Variants in PPP1R12A observed in about 807,000 individuals in gnomAD.
PPP1R12A encodes myosin binding subunit.
PPP1R12A carries 19 observed loss-of-function variants against 139.6 expected under a neutral mutation model. The ratio of observed to expected loss-of-function variants is 0.14; its 90% CI spans 0.09 to 0.20. The LOEUF is 0.20. Among genes scored for constraint, PPP1R12A ranks in the 10% least tolerant of loss-of-function variants. The pLI, the probability that PPP1R12A is intolerant of heterozygous loss-of-function variation, is 1.00. For missense variants in PPP1R12A, 925 were observed against 1,211.5 expected, an observed-to-expected ratio of 0.76 and a Z score of 3.51; for synonymous variants, 427 against 420.6, an observed-to-expected ratio of 1.02 and a Z score of -0.19.
At position 79,788,735 on chromosome 12, in the gene PPP1R12A, C is replaced by A; in HGVS notation, c.2715G>T (p.Leu905=). ...TSAGDRYDSL[L]GRSGSYSYLE... ...AGTAACTGTATGATCCAGAGCGACC[C>A]AGCAAGGAATCATATCGATCACCAG... The change falls in exon 21 of 25, where the codon CTG becomes CTT. Residue 905 remains leucine, a synonymous_variant. Transcript: ENST00000450142. 1.9e-6 allele frequency: 3 copies of A among 1,612,724 alleles called. No homozygotes were observed. The highest frequency in any genetic ancestry group is 2.5e-6 in the Non-Finnish European group (3 of 1,179,286).
intron 1 of PPP1R12A, among the ~76,000 whole-genome samples, chr12:79,875,566 T>A (rs959645541): frequency 1.3e-5 from 2 of 152,228 alleles, no homozygotes; most frequent in Admixed American, 6.5e-5. Flanking sequence ...ATGACTATTA[T>A]CTCTGTACTC....
At chr12:79,833,030 TTTTC>T (rs1877620944) in intron 3 of PPP1R12A, among the ~76,000 whole-genome samples, 1 of 152,186 alleles carries the variant, frequency 6.6e-6, no homozygotes, top group African/African-American at 2.4e-5. Flanking sequence ...ATTAAAGTTA[TTTTC>T]ATAATTTTAG....
chr12:79,884,303 G>T (rs1432331322), intron 1 of PPP1R12A, among the ~76,000 whole-genome samples: 3 of 152,100 alleles, frequency 2.0e-5, no homozygotes, highest in African/African-American at 7.2e-5. Context: ...GATTTTAAAT[G>T]TATATACTTT....
intron 22 of PPP1R12A, among the ~76,000 whole-genome samples, chr12:79,783,431 G>A (rs1384220925): frequency 6.6e-6 from 1 of 151,938 alleles, no homozygotes; most frequent in Non-Finnish European, 1.5e-5. Context: ...CTGTACCACT[G>A]CACTCCAGCT....
chr12:79,786,264 C>A (rs1209735038), intron 22 of PPP1R12A, 110 bp downstream of exon 22: 4 of 627,774 alleles, frequency 6.4e-6, no homozygotes, highest in Non-Finnish European at 1.1e-5. Flanking sequence ...TCTTCTATTA[C>A]CAATTATCAA....
chr12:79,887,524 A>C (rs989423312), intron 1 of PPP1R12A, among the ~76,000 whole-genome samples: 3 of 152,192 alleles, frequency 2.0e-5, no homozygotes, highest in African/African-American at 7.2e-5. Flanking sequence ...CAATATGTGA[A>C]TGGAAATAAG....
intron 1 of PPP1R12A, among the ~76,000 whole-genome samples, chr12:79,926,399 C>T (rs1039899371): frequency 1.3e-5 from 2 of 152,050 alleles, no homozygotes; most frequent in Non-Finnish European, 2.9e-5. Flanking sequence ...CCATGTTGGC[C>T]AGGTTGATCT....
intron 1 of PPP1R12A, among the ~76,000 whole-genome samples, chr12:79,904,758 C>G (rs1290896319): frequency 3.3e-5 from 5 of 152,158 alleles, no homozygotes; most frequent in African/African-American, 1.2e-4. Flanking sequence ...CCATATTCAA[C>G]TCTGAAAGGC....
intron 2 of PPP1R12A, among the ~76,000 whole-genome samples, chr12:79,857,597 AT>A (rs1245057372): frequency 1.3e-5 from 2 of 151,914 alleles, no homozygotes; most frequent in Non-Finnish European, 2.9e-5. Flanking sequence ...TAATAAAAAA[AT>A]AATAAAATAA....
chr12:79,832,263 T>C, intron 4 of PPP1R12A, 69 bp downstream of exon 4: 1 of 1,414,098 alleles, frequency 7.1e-7, no homozygotes, highest in Non-Finnish European at 9.4e-7. Flanking sequence ...TGCAGGTATT[T>C]TAAGAAAAGG....
At chr12:79,896,239 A>G (rs1885120660) in intron 1 of PPP1R12A, among the ~76,000 whole-genome samples, 1 of 152,160 alleles carries the variant, frequency 6.6e-6, no homozygotes, top group South Asian at 2.1e-4. Context: ...AATATTGACT[A>G]GAATTATTTT....
chr12:79,813,016 A>G (rs1874805240), intron 9 of PPP1R12A, among the ~76,000 whole-genome samples: 1 of 152,156 alleles, frequency 6.6e-6, no homozygotes, highest in Non-Finnish European at 1.5e-5. Flanking sequence ...TCTCATCTTC[A>G]AATCTGTACA....
chr12:79,935,168 C>T (rs1888574963), upstream of PPP1R12A: 3 of 1,337,038 alleles, frequency 2.2e-6, no homozygotes, highest in South Asian at 5.7e-5. Flanking sequence ...GCACGGCCAC[C>T]CGTCACCGGC....
intron 1 of PPP1R12A, among the ~76,000 whole-genome samples, chr12:79,900,863 T>C (rs1394881306): frequency 6.6e-6 from 1 of 152,144 alleles, no homozygotes; most frequent in Non-Finnish European, 1.5e-5. Flanking sequence ...ATGCACCAAA[T>C]AAATCAGGAG....
At chr12:79,836,210 GT>G (rs773818980) in intron 3 of PPP1R12A, among the ~76,000 whole-genome samples, 1 of 152,078 alleles carries the variant, frequency 6.6e-6, no homozygotes, top group Non-Finnish European at 1.5e-5. Context: ...TAGTAAAGCA[GT>G]TTTACTTGTA....
intron 14 of PPP1R12A, 110 bp from the exon 15 acceptor site, chr12:79,798,694 T>C (rs1278850804): frequency 8.1e-6 from 4 of 491,456 alleles, no homozygotes; most frequent in Non-Finnish European, 1.3e-5. Flanking sequence ...TAGTAAGTTT[T>C]AAGGAAAAGT....
chr12:79,838,223 G>A (rs142258831), intron 3 of PPP1R12A, among the ~76,000 whole-genome samples: 1 of 152,250 alleles, frequency 6.6e-6, no homozygotes, highest in Admixed American at 6.5e-5. Flanking sequence ...AAAGAGACCA[G>A]TGGCATTCTG....
At chr12:79,862,282 A>T (rs549896371) in intron 2 of PPP1R12A, among the ~76,000 whole-genome samples, 1 of 152,324 alleles carries the variant, frequency 6.6e-6, no homozygotes, top group Admixed American at 6.5e-5. Context: ...ATCAACAAAA[A>T]GGACATCCAC....
intron 9 of PPP1R12A, among the ~76,000 whole-genome samples, 172 bp downstream of exon 9, chr12:79,817,222 C>A (rs1731852358): frequency 6.6e-6 from 1 of 152,034 alleles, no homozygotes; most frequent in African/African-American, 2.4e-5. Context: ...GATAAAAAAA[C>A]ATGATTCAGA....
Sources: gnomAD v4.1 joint callset for allele counts (sites outside exome capture counted in the v4.1 genomes callset) on GRCh38, gnomAD v4.1.1 for gene constraint, MANE v1.5 for transcripts, NCBI Gene and HGNC (gene_info 2026-07-23, HGNC 2026-07-21) for gene names.